The following ZFAND4 variants were observed in gnomAD, a reference collection of about 807,000 sequenced individuals.
ZFAND4 encodes AN1-type zinc finger protein 4.
ZFAND4 carries 43 observed loss-of-function variants against 64.4 expected under a neutral mutation model. The observed-to-expected ratio is 0.67, with a 90% CI of 0.52 to 0.86. The LOEUF (loss-of-function observed/expected upper bound fraction) is 0.86. Among genes scored for constraint, ZFAND4 ranks in the 40% least tolerant of loss-of-function variants. ZFAND4 has a pLI of 0.00. For synonymous variants in ZFAND4, 296 were observed against 305.7 expected, an observed-to-expected ratio of 0.97 and a Z score of 0.33; for missense variants, 929 against 859.8, an observed-to-expected ratio of 1.08 and a Z score of -1.01.
At chr10:45,656,501 CA>C (rs541781976) in intron 2 of ZFAND4, among the ~76,000 whole-genome samples, 210 of 24,706 alleles carry the variant, frequency 8.5e-3, no homozygotes, top group African/African-American at 0.032. Context: ...GAACCTGTCT[CA>C]AAAAAAAAAA....
chr10:45,617,654 T>A, intron 9 of ZFAND4: 1 of 140,642 alleles, frequency 7.1e-6, no homozygotes, highest in Admixed American at 7.2e-5. Context: ...CTAGCCCCAA[T>A]CTAAGGGCAG....
chr10:45,642,273 C>G (rs2047052368), intron 5 of ZFAND4, among the ~76,000 whole-genome samples: 1 of 151,918 alleles, frequency 6.6e-6, no homozygotes, highest in South Asian at 2.1e-4. Flanking sequence ...GGAATAGATA[C>G]ATATATACAC....
intron 9 of ZFAND4, among the ~76,000 whole-genome samples, chr10:45,617,605 A>AAAAAG (rs766552784): frequency 0.022 from 3,285 of 150,308 alleles, 57 homozygotes; most frequent in East Asian, 0.042. Context: ...AAAAAAAAAA[A>AAAAAG]AAAAAAAAGT....
At chr10:45,664,427 C>A (rs573439978) in intron 1 of ZFAND4, among the ~76,000 whole-genome samples, 1 of 151,886 alleles carries the variant, frequency 6.6e-6, no homozygotes, top group Non-Finnish European at 1.5e-5. Context: ...CACCACCATG[C>A]CCAGCAGATT....
At chr10:45,664,113 C>A (rs762565354) in intron 1 of ZFAND4, among the ~76,000 whole-genome samples, 8 of 152,112 alleles carry the variant, frequency 5.3e-5, no homozygotes, top group Non-Finnish European at 1.0e-4. Context: ...ACATGCTCAA[C>A]AAATACTTTT....
rs748669178 is a variant in ZFAND4, at chr10:45,624,587, G to A, written c.1923C>T (p.Ser641=). 24 of 1,613,396 alleles carry A rather than the reference G, an allele frequency of 1.5e-5. No homozygotes were observed. Among genetic ancestry groups the A allele is most frequent in the Admixed American group, 3.3e-5 (2 of 59,968 alleles). ...MNGNNAAAGK[S]VGECTTHHLP... ...TCAAAATTATCTGTAGCTTACCTAC[G>A]CTTTTCCCTGCTGCTGCATTATTTC... The change falls in exon 8 of 10, where the codon AGC becomes AGT. Residue 641 remains serine, a synonymous_variant. Coordinates refer to ENST00000344646, the MANE Select transcript of ZFAND4 (RefSeq NM_174890.4).
At chr10:45,629,779 C>T (rs1483145254) in intron 6 of ZFAND4, among the ~76,000 whole-genome samples, 1 of 152,042 alleles carries the variant, frequency 6.6e-6, no homozygotes, top group Non-Finnish European at 1.5e-5. Flanking sequence ...GGGAGGATCG[C>T]TTGAGCTCAG....
Position 45,626,942 on chromosome 10 carries a change from T to A in ZFAND4, c.881A>T (p.Asn294Ile), listed in dbSNP as rs746620069. The change falls in exon 7 of 10, where the codon AAT becomes ATT. Residue 294 changes from asparagine (N) to isoleucine (I), a missense_variant. Asn to Ile is a moderately radical substitution (Grantham distance 149). Coordinates refer to ENST00000344646, the MANE Select transcript of ZFAND4 (RefSeq NM_174890.4). ...GNAYPPEISR[N>I]GISSLATQLS... ...TTGAGTTGCCAAACTTGAAATTCCA[T>A]TCCTGGAGATTTCGGGCGGATATGC... The A allele has an allele frequency of 6.8e-6, 11 of 1,614,212 alleles. No homozygotes were observed. The highest frequency in any genetic ancestry group is 8.5e-6 in the Non-Finnish European group (10 of 1,180,024).
At position 45,659,547 on chromosome 10, in the gene ZFAND4, ATATGT is replaced by A. The variant is rs1159873058; in HGVS notation, c.184+3990_184+3994del. ...TATTTACCTCAATTCCTATTACCTG[ATATGT>A]TATGTCTGGTTTTCAACTAAAAATT... On this transcript the variant is annotated intron_variant, in intron 2 of 9. Transcript: ENST00000344646. Among the ~76,000 whole-genome samples, 49 of 152,138 alleles carry A rather than the reference ATATGT, an allele frequency of 3.2e-4. 1 individual carries two copies. The highest frequency in any genetic ancestry group is 5.3e-4 in the Non-Finnish European group (36 of 68,032).
At chr10:45,661,689 C>T (rs2048481175) in intron 2 of ZFAND4, among the ~76,000 whole-genome samples, 1 of 152,088 alleles carries the variant, frequency 6.6e-6, no homozygotes, top group African/African-American at 2.4e-5. Context: ...GCCTGTAATC[C>T]CAGCACTTTG....
chr10:45,636,754 T>C (rs551364834), intron 6 of ZFAND4, among the ~76,000 whole-genome samples: 1 of 152,214 alleles, frequency 6.6e-6, no homozygotes, highest in African/African-American at 2.4e-5. Flanking sequence ...TAGAGCATAC[T>C]GTAAATGTCA....
Position 45,626,292 on chromosome 10 carries a change from C to T in ZFAND4, c.1531G>A (p.Asp511Asn). ...KLQPSSSQSLDVQNITDSSFS... is the reference protein window; with the variant it reads ...KLQPSSSQSLNVQNITDSSFS... Reference sequence around the variant, plus strand: ...GAAGAATCAGTTATGTTTTGAACATCCAGTGACTGAGAAGAAGAAGGCTGT... The same window carrying T: ...GAAGAATCAGTTATGTTTTGAACATTCAGTGACTGAGAAGAAGAAGGCTGT... The change falls in exon 7 of 10, where the codon GAT (aspartate) becomes AAT (asparagine). Residue 511 changes from aspartate to asparagine, a missense_variant. Asp to Asn is a conservative substitution (Grantham distance 23). Transcript: ENST00000344646. 2 of 1,614,094 alleles carry T rather than the reference C, an allele frequency of 1.2e-6. No homozygotes were observed. Among genetic ancestry groups the T allele is most frequent in the Middle Eastern group, 1.6e-4 (1 of 6,062 alleles).
intron 4 of ZFAND4, among the ~76,000 whole-genome samples, chr10:45,649,496 C>T (rs984526442): frequency 1.3e-5 from 2 of 152,118 alleles, no homozygotes; most frequent in African/African-American, 4.8e-5. Context: ...TCGTGGTGCT[C>T]TACAACCCTT....
intron 5 of ZFAND4, 60 bp downstream of exon 5, chr10:45,648,234 A>T: frequency 6.9e-7 from 1 of 1,455,608 alleles, no homozygotes; most frequent in South Asian, 1.5e-5. Context: ...GATGCATGAC[A>T]TTTGTTAATA....
chr10:45,641,799 T>A (rs1235858597), intron 5 of ZFAND4, among the ~76,000 whole-genome samples: 1 of 152,204 alleles, frequency 6.6e-6, no homozygotes, highest in East Asian at 1.9e-4. Flanking sequence ...AAGGTAGATA[T>A]TATAGCTGAT....
intron 6 of ZFAND4, among the ~76,000 whole-genome samples, chr10:45,637,676 G>A (rs2046704050): frequency 6.6e-6 from 1 of 152,140 alleles, no homozygotes; most frequent in Non-Finnish European, 1.5e-5. Context: ...CTTGAACCCA[G>A]GAGGTGGAGG....
intron 5 of ZFAND4, 141 bp downstream of exon 5, chr10:45,648,153 C>A: frequency 2.0e-5 from 16 of 801,884 alleles, no homozygotes; most frequent in South Asian, 1.1e-4. Context: ...CTAAAAAAAC[C>A]TCAGTTTTAT....
intron 1 of ZFAND4, among the ~76,000 whole-genome samples, chr10:45,666,352 C>A (rs1232294419): frequency 6.6e-6 from 1 of 152,128 alleles, no homozygotes; most frequent in East Asian, 1.9e-4. Flanking sequence ...TGCATACATT[C>A]TTTGGAGAAA....
At chr10:45,628,767 C>A (rs756803971) in intron 6 of ZFAND4, among the ~76,000 whole-genome samples, 9 of 151,752 alleles carry the variant, frequency 5.9e-5, no homozygotes, top group Non-Finnish European at 1.3e-4. Context: ...ACTCATAACC[C>A]ATGCATCAGA....
Sources: gnomAD v4.1 joint callset for allele counts (sites outside exome capture counted in the v4.1 genomes callset) on GRCh38, gnomAD v4.1.1 for gene constraint, MANE v1.5 for transcripts, NCBI Gene and HGNC (gene_info 2026-07-23, HGNC 2026-07-21) for gene names.